The following ZPBP variants were observed in gnomAD, a reference collection of about 807,000 sequenced individuals.
The protein encoded by ZPBP is zona pellucida-binding protein 1.
Under a neutral mutation model 44.8 loss-of-function variants are expected in ZPBP, and 26 were observed. The observed-to-expected ratio is 0.58, with a 90% confidence interval of 0.43 to 0.81. ZPBP has a LOEUF of 0.81. ZPBP is among the 30% of genes least tolerant of loss of function. The pLI is 0.00. For synonymous variants in ZPBP, 174 were observed against 153.2 expected, an observed-to-expected ratio of 1.14 and a Z score of -1.00; for missense variants, 409 against 434.0, an observed-to-expected ratio of 0.94 and a Z score of 0.51.
intron 4 of ZPBP, among the ~76,000 whole-genome samples, chr7:50,039,780 C>T (rs992529060): frequency 9.2e-5 from 14 of 152,046 alleles, no homozygotes; most frequent in African/African-American, 1.4e-4. Context: ...TACAAAATTA[C>T]GTAAAATAAT....
At chr7:50,025,267 T>G (rs1206475898) in intron 5 of ZPBP, among the ~76,000 whole-genome samples, 1 of 151,892 alleles carries the variant, frequency 6.6e-6, no homozygotes, top group African/African-American at 2.4e-5. Context: ...TAAAATATTT[T>G]GTGTTTATCT....
intron 1 of ZPBP, among the ~76,000 whole-genome samples, chr7:50,090,487 G>C (rs1169515872): frequency 6.6e-6 from 1 of 151,018 alleles, no homozygotes; most frequent in African/African-American, 2.5e-5. Context: ...GTGTGTGTGT[G>C]TGTGTATATG....
Position 50,085,734 on chromosome 7 carries a change from G to C in ZPBP, c.209-3835C>G, listed in dbSNP as rs1584200767. Among the ~76,000 whole-genome samples, 3 of 152,076 alleles carry C rather than the reference G, an allele frequency of 2.0e-5. No homozygotes were observed. In the South Asian group the frequency reaches 6.2e-4, roughly 31 times the overall value. On this transcript the variant is annotated intron_variant, in intron 2 of 7. Transcript: ENST00000046087. ...CCCTCATTTAACTTTGTGACTGCCT[G>C]ATACACTGAGCAACAATTGGGGAAA...
intron 7 of ZPBP, among the ~76,000 whole-genome samples, chr7:49,959,782 A>G (rs1795773790): frequency 6.6e-6 from 1 of 150,612 alleles, no homozygotes; most frequent in East Asian, 1.9e-4. Flanking sequence ...AAAAACAGGG[A>G]AAAAAGCAAT....
intron 6 of ZPBP, among the ~76,000 whole-genome samples, chr7:50,012,608 T>G (rs1012219678): frequency 1.9e-4 from 28 of 150,920 alleles, no homozygotes; most frequent in Non-Finnish European, 3.4e-4. Flanking sequence ...AACACCCATT[T>G]GTAATGTAAT....
chr7:50,081,313 C>T (rs948605138), intron 3 of ZPBP, among the ~76,000 whole-genome samples: 4 of 151,646 alleles, frequency 2.6e-5, no homozygotes, highest in African/African-American at 7.3e-5. Context: ...ATTCATTAAT[C>T]TATATTTTTT....
intron 1 of ZPBP, among the ~76,000 whole-genome samples, chr7:50,090,609 A>G (rs1297464151): frequency 6.6e-6 from 1 of 150,840 alleles, no homozygotes; most frequent in Non-Finnish European, 1.5e-5. Flanking sequence ...ATATGCGTAT[A>G]TATGTGTATA....
chr7:49,982,863 A>G (rs1243663574), intron 7 of ZPBP, among the ~76,000 whole-genome samples: 1 of 152,016 alleles, frequency 6.6e-6, no homozygotes, highest in African/African-American at 2.4e-5. Flanking sequence ...TGAAAAAGAA[A>G]GAATGAATGT....
intron 2 of ZPBP, among the ~76,000 whole-genome samples, chr7:49,857,234 T>C (rs1790463316): frequency 6.6e-6 from 1 of 152,130 alleles, no homozygotes; most frequent in South Asian, 2.1e-4. Context: ...CAGCTCTGGT[T>C]CTACGAGTTT....
chr7:50,036,332 A>G (rs1348539177), intron 4 of ZPBP, among the ~76,000 whole-genome samples: 1 of 152,078 alleles, frequency 6.6e-6, no homozygotes, highest in Non-Finnish European at 1.5e-5. Flanking sequence ...TTTTCTTTTT[A>G]GTAGAGACAG....
chr7:49,944,241 C>G (rs1033427674), intron 7 of ZPBP: 1 of 361,750 alleles, frequency 2.8e-6, no homozygotes, highest in Non-Finnish European at 5.3e-6. Context: ...GTGCCAGAAG[C>G]CACCTTTGAT....
At chr7:49,853,754 G>A (rs1790294674) in intron 2 of ZPBP, among the ~76,000 whole-genome samples, 1 of 151,992 alleles carries the variant, frequency 6.6e-6, no homozygotes. Flanking sequence ...TAGGGTACAT[G>A]TGCACAACGT....
chr7:50,024,914 T>C (rs1177157036), intron 5 of ZPBP, among the ~76,000 whole-genome samples: 1 of 151,912 alleles, frequency 6.6e-6, no homozygotes, highest in Non-Finnish European at 1.5e-5. Flanking sequence ...TGACTTGCAA[T>C]AGTTATTTTA....
intron 1 of ZPBP, chr7:49,914,851 G>T (rs139778950): frequency 5.3e-5 from 8 of 152,212 alleles, no homozygotes; most frequent in Non-Finnish European, 1.2e-4. Flanking sequence ...AGAAAAGGGG[G>T]CCTCAGAATT....
At position 50,036,319 on chromosome 7, in the gene ZPBP, C is replaced by A. The variant is rs1397003152; in HGVS notation, c.488-5009G>T. Among the ~76,000 whole-genome samples, 5 of 152,132 alleles carry A rather than the reference C, an allele frequency of 3.3e-5. No individual in the cohort carries two copies. The South Asian group carries it at 1.0e-3, about 32-fold the overall frequency. On this transcript the variant is annotated intron_variant, in intron 4 of 7. Transcript: ENST00000046087. ...CAGGCGCCTGCCACTGAGCTGGCTACTTTTTTCTTTTTAGTAGAGACAGGG... is the reference window on the plus strand; with the variant it reads ...CAGGCGCCTGCCACTGAGCTGGCTAATTTTTTCTTTTTAGTAGAGACAGGG...
chr7:49,946,503 C>G (rs955108438), intron 7 of ZPBP, among the ~76,000 whole-genome samples: 5 of 152,028 alleles, frequency 3.3e-5, no homozygotes, highest in African/African-American at 1.2e-4. Context: ...TTTCCTTCAG[C>G]AATTTAAATA....
intron 2 of ZPBP, among the ~76,000 whole-genome samples, chr7:49,870,706 G>A (rs1409340087): frequency 6.6e-6 from 1 of 152,186 alleles, no homozygotes; most frequent in Non-Finnish European, 1.5e-5. Context: ...ACGTTATCAT[G>A]AGTAGACAAC....
intron 5 of ZPBP, among the ~76,000 whole-genome samples, chr7:50,024,635 G>A (rs1799243507): frequency 6.6e-6 from 1 of 152,016 alleles, no homozygotes; most frequent in East Asian, 1.9e-4. Context: ...CATAAAAGCA[G>A]GAAGTAGAAT....
rs1157696401 is a variant in ZPBP, at chr7:50,013,529, T to C, written c.783+4711A>G. ...TCCAATTCTAGGTAATAATAGTCTA[T>C]TTTGAAAAACATAAGACAATGGCAT... On this transcript the variant is annotated intron_variant, in intron 6 of 7. Coordinates refer to ENST00000046087, the MANE Select transcript of ZPBP (RefSeq NM_007009.3). Among the ~76,000 whole-genome samples, 5 of 152,190 alleles carry C rather than the reference T, an allele frequency of 3.3e-5. No individual in the cohort carries two copies. The South Asian group carries it at 8.3e-4, about 25-fold the overall frequency.
Sources: allele counts gnomAD v4.1 joint callset (sites outside exome capture counted in the v4.1 genomes callset), GRCh38; gene constraint gnomAD v4.1.1; transcripts MANE v1.5; gene names NCBI Gene and HGNC (gene_info 2026-07-23, HGNC 2026-07-21).